ITPR3: variants seen among roughly 807,000 people sequenced by gnomAD.
ITPR3 encodes inositol 1,4,5-trisphosphate receptor type 3.
A neutral mutation model predicts 293.2 loss-of-function variants in ITPR3; 173 were observed. The observed-to-expected ratio is 0.59, with a 90% CI of 0.52 to 0.67. ITPR3 has a LOEUF of 0.67. ITPR3 is among the 30% of genes least tolerant of loss of function. The pLI is 0.00. For synonymous variants in ITPR3, 1,295 were observed against 1,444.4 expected (o/e 0.90, Z 2.35); for missense variants, 2,796 against 3,592.1 (o/e 0.78, Z 5.66).
intron 57 of ITPR3, 113 bp from the exon 58 acceptor site, chr6:33,695,599 C>A: frequency 9.4e-7 from 1 of 1,063,518 alleles, no homozygotes; most frequent in Non-Finnish European, 1.4e-6. Context: ...CCGCCAGTGC[C>A]GAATAGCAGC....
At position 33,638,774 on chromosome 6, in the gene ITPR3, C is replaced by T. The variant is rs1219166739; in HGVS notation, c.90-1710C>T. 6.6e-6 allele frequency among the ~76,000 whole-genome samples: 1 copy of T among 152,220 alleles called. No individual in the cohort carries two copies. The highest frequency in any genetic ancestry group is 6.5e-5 in the Admixed American group (1 of 15,288). On this transcript the variant is annotated intron_variant, in intron 1 of 57. Coordinates refer to ENST00000605930, the MANE Select transcript of ITPR3 (RefSeq NM_002224.4). This position sits in a 1 kb window ranked among gnomAD's most constrained non-coding sequence, Gnocchi z 4.3. ...TCTCAAGGAACTCACAGTGTAGACA[C>T]AGCAAGTCAAGAAGTGGGGAGAGAC...
chr6:33,665,007 G>A, intron 12 of ITPR3, 38 bp downstream of exon 12: 3 of 1,613,606 alleles, frequency 1.9e-6, no homozygotes, highest in Non-Finnish European at 2.5e-6. Context: ...CTGGGGCCAG[G>A]GCCGGAGCTT....
rs12206173 is a variant in ITPR3 at position 33,633,894 on chromosome 6, G to C, written c.90-6590G>C. On this transcript the variant is annotated intron_variant, in intron 1 of 57. Coordinates refer to ENST00000605930, the MANE Select transcript of ITPR3 (RefSeq NM_002224.4). The surrounding 1 kb of genome is among the most constrained non-coding windows in gnomAD (Gnocchi z 5.2). ...CAGGGAGGCCAGACCTACGCTCTCCGGAGCCGCGCGGACCCAGAACCGCTC... is the reference window on the plus strand; with the variant it reads ...CAGGGAGGCCAGACCTACGCTCTCCCGAGCCGCGCGGACCCAGAACCGCTC... 0.13 allele frequency among the ~76,000 whole-genome samples: 20,146 copies of C among 150,628 alleles called. 1,829 individuals carry two copies. The highest frequency in any genetic ancestry group is 0.23 in the Middle Eastern group (66 of 292).
In ITPR3 at chr6:33,670,295, C is replaced by A; in HGVS notation, c.2190-30C>A. 6.2e-7 allele frequency: 1 copy of A among 1,612,866 alleles called. No individual in the cohort carries two copies. The highest frequency in any genetic ancestry group is 8.5e-7 in the Non-Finnish European group (1 of 1,179,364). ...CAGCAGCCTCCCGGCTGCCATCTGC[C>A]GTGTCCTCACAGTCCTCCCTGTCCT... On this transcript the variant is annotated intron_variant, in intron 18 of 57. Transcript: ENST00000605930. The surrounding 1 kb of genome is among the most constrained non-coding windows in gnomAD (Gnocchi z 6.7).
Position 33,684,523 on chromosome 6 carries a change from A to C in ITPR3, c.5046+58A>C. ...GCCAGTCAGGAGTACCCAGGGGCTC[A>C]GGGTCAAGCCCGTCAGGCCAGTGGT... On this transcript the variant is annotated intron_variant, in intron 37 of 57. Coordinates refer to ENST00000605930, the MANE Select transcript of ITPR3 (RefSeq NM_002224.4). This position sits in a 1 kb window ranked among gnomAD's most constrained non-coding sequence, Gnocchi z 4.2. The C allele has an allele frequency of 6.2e-7, 1 of 1,601,036 alleles. No individual in the cohort carries two copies. Among genetic ancestry groups the C allele is most frequent in the Non-Finnish European group, 8.6e-7 (1 of 1,168,162 alleles).
At chr6:33,689,996 G>GT in intron 50 of ITPR3, 38 bp from the exon 51 acceptor site, 1 of 1,612,474 alleles carries the variant, frequency 6.2e-7, no homozygotes, top group Non-Finnish European at 8.5e-7. Context: ...AGCATAGGTG[G>GT]TAGGGTGCTG....
Position 33,689,343 on chromosome 6 carries a change from C to T in ITPR3, c.6800C>T (p.Ala2267Val), listed in dbSNP as rs775332537. ...KRYSIRPLIV[A>V]LILRSIYYLG... Reference sequence around the variant, plus strand: ...TACAGCATCCGCCCCCTCATCGTGGCGCTCATCCTGCGCTCCATCTACTAT... The same window carrying T: ...TACAGCATCCGCCCCCTCATCGTGGTGCTCATCCTGCGCTCCATCTACTAT... Residue 2267 changes from alanine (A) to valine (V), a missense_variant, in exon 50 of 58, where the codon GCG becomes GTG. This residue lies in a region of ITPR3 where 568 missense variants were observed against 796.1 expected (regional missense o/e 0.71). Coordinates refer to ENST00000605930, the MANE Select transcript of ITPR3 (RefSeq NM_002224.4). 50 of 1,612,518 alleles carry T rather than the reference C, an allele frequency of 3.1e-5. No individual in the cohort carries two copies. The highest frequency in any genetic ancestry group is 4.0e-5 in the African/African-American group (3 of 74,938).
chr6:33,646,276 A>G (rs1764064715), intron 2 of ITPR3, among the ~76,000 whole-genome samples: 1 of 151,984 alleles, frequency 6.6e-6, no homozygotes. Flanking sequence ...CAACCATATA[A>G]GAAAATCTAA....
chr6:33,662,698 A>G (rs758405185), intron 8 of ITPR3, 24 bp downstream of exon 8: 2 of 1,602,038 alleles, frequency 1.2e-6, no homozygotes, highest in South Asian at 2.2e-5. Flanking sequence ...TGCTTCTGGC[A>G]CCCCGGACTC....
chr6:33,662,837 C>T lies in ITPR3; in HGVS notation c.859-74C>T, dbSNP rs544625244. 195 of 1,515,010 alleles carry T rather than the reference C, an allele frequency of 1.3e-4. 1 individual carries two copies. The South Asian group carries it at 1.8e-3, about 14-fold the overall frequency. The allele number at this position is 1,515,010 out of a possible 1,614,324, so 93.8% of individuals were successfully genotyped here. A position where few individuals can be genotyped will look rare whatever the true frequency, so the allele number is the denominator to read the frequency against. On this transcript the variant is annotated intron_variant, in intron 8 of 57. Coordinates refer to ENST00000605930, the MANE Select transcript of ITPR3 (RefSeq NM_002224.4). ...CCAGAACCCACCCACCCAGAGATCT[C>T]CAGGCCTCCCTGGGGTCTGACTCCC... is the stretch of plus-strand genomic sequence containing the variant.
chr6:33,678,300 G>A (rs1222950438), intron 28 of ITPR3, 121 bp from the exon 29 acceptor site: 3 of 1,373,496 alleles, frequency 2.2e-6, no homozygotes, highest in East Asian at 2.3e-5. Flanking sequence ...TTCCCTTTAC[G>A]CTGGCCTCTT....
At chr6:33,642,699 A>T (rs1273674541) in intron 2 of ITPR3, among the ~76,000 whole-genome samples, 2 of 151,714 alleles carry the variant, frequency 1.3e-5, no homozygotes, top group Non-Finnish European at 2.9e-5. Flanking sequence ...CCCTCATCTC[A>T]TCTTCTCCAT....
intron 2 of ITPR3, among the ~76,000 whole-genome samples, chr6:33,641,439 C>T (rs891841374): frequency 6.6e-6 from 1 of 152,140 alleles, no homozygotes; most frequent in Admixed American, 6.5e-5. Context: ...GACAATCCGG[C>T]GGCATCCTTG....
chr6:33,667,860 C>T lies in ITPR3; in HGVS notation c.1782C>T (p.Thr594=). 6.2e-7 allele frequency: 1 copy of T among 1,614,196 alleles called. No individual in the cohort carries two copies. Among genetic ancestry groups the T allele is most frequent in the Non-Finnish European group, 8.5e-7 (1 of 1,180,018 alleles). ...QIGYDILAED[T]ITALLHNNRK... ...GCTACGACATCCTGGCCGAGGACAC[C>T]ATCACTGCCCTGCTGCACAACAACC... Residue 594 remains threonine (T), a synonymous_variant, in exon 16 of 58, where the codon ACC becomes ACT. Transcript: ENST00000605930. This position sits in a 1 kb window ranked among gnomAD's most constrained non-coding sequence, Gnocchi z 4.4.
Position 33,638,483 on chromosome 6 carries a change from A to G in ITPR3, c.90-2001A>G, listed in dbSNP as rs80001223. Among the ~76,000 whole-genome samples the G allele has an allele frequency of 0.016, 2,452 of 152,294 alleles. 48 individuals carry two copies. Among genetic ancestry groups the G allele is most frequent in the African/African-American group, 0.043 (1,791 of 41,544 alleles). On this transcript the variant is annotated intron_variant, in intron 1 of 57. Coordinates refer to ENST00000605930, the MANE Select transcript of ITPR3 (RefSeq NM_002224.4). The surrounding 1 kb of genome is among the most constrained non-coding windows in gnomAD (Gnocchi z 4.3). ...TTTCCAAAAGTCACCTCATTAACATAAAACCAGGTGTGGTTGAAAGAGGCT... is the reference window on the plus strand; with the variant it reads ...TTTCCAAAAGTCACCTCATTAACATGAAACCAGGTGTGGTTGAAAGAGGCT...
chr6:33,651,098 A>C, intron 2 of ITPR3, among the ~76,000 whole-genome samples: 1 of 151,570 alleles, frequency 6.6e-6, no homozygotes, highest in Non-Finnish European at 1.5e-5. Flanking sequence ...AACATGGTGA[A>C]ACCTCGTCTC....
rs1764790807 is a variant in ITPR3, at chr6:33,672,288, T to G, written c.2928+60T>G. On this transcript the variant is annotated intron_variant, in intron 22 of 57. Transcript: ENST00000605930. The surrounding 1 kb of genome is among the most constrained non-coding windows in gnomAD (Gnocchi z 5.0). Reference sequence around the variant, plus strand: ...TATAGGGGGAGGGTAATGGGGCGGGTACAGGGAGGCTGGGCAGGGCGAACC... The same window carrying G: ...TATAGGGGGAGGGTAATGGGGCGGGGACAGGGAGGCTGGGCAGGGCGAACC... 4 of 1,040,984 alleles carry G rather than the reference T, an allele frequency of 3.8e-6. No individual in the cohort carries two copies. The highest frequency in any genetic ancestry group is 5.9e-6 in the Non-Finnish European group (4 of 676,902). 64.5% of individuals were successfully genotyped at this position (1,040,984 alleles called of 1,614,324 possible). A position where few individuals can be genotyped will look rare whatever the true frequency, so the allele number is the denominator to read the frequency against.
At chr6:33,625,161 G>C (rs1306116151) in intron 1 of ITPR3, among the ~76,000 whole-genome samples, 1 of 152,212 alleles carries the variant, frequency 6.6e-6, no homozygotes, top group African/African-American at 2.4e-5. Context: ...CCTCAGGCCA[G>C]TGGCTAGGGA....
At chr6:33,685,296 C>G in intron 39 of ITPR3, 63 bp from the exon 40 acceptor site, 2 of 1,473,096 alleles carry the variant, frequency 1.4e-6, no homozygotes, top group South Asian at 1.2e-5. Flanking sequence ...GTGCCTGCCC[C>G]ACGCCCTGAG....
Sources: gnomAD v4.1 joint callset for allele counts (sites outside exome capture counted in the v4.1 genomes callset) on GRCh38, gnomAD v4.1.1 for gene constraint, gnomAD v4.1.1 regional missense constraint, Gnocchi (gnomAD v3.1) non-coding constraint, MANE v1.5 for transcripts, NCBI Gene and HGNC (gene_info 2026-07-23, HGNC 2026-07-21) for gene names.